Variants in DNAL1 observed in about 807,000 individuals in gnomAD.
DNAL1 encodes the protein chromosome 14 open reading frame 168.
A neutral mutation model predicts 29.4 loss-of-function variants in DNAL1; 17 were observed. The ratio of observed to expected loss-of-function variants is 0.58; its 90% confidence interval spans 0.40 to 0.87. The LOEUF (loss-of-function observed/expected upper bound fraction) is 0.87, where lower values mean the gene tolerates loss of function less well. Ranked by LOEUF, DNAL1 falls within the 40% of genes least tolerant of loss-of-function variation. The pLI, the probability that DNAL1 is intolerant of heterozygous loss-of-function variation, is 0.00. For missense variants in DNAL1, 188 were observed against 214.1 expected, an observed-to-expected ratio of 0.88 and a Z score of 0.76; for synonymous variants, 78 against 76.3, an observed-to-expected ratio of 1.02 and a Z score of -0.12.
In DNAL1 at chr14:73,702,675, C is replaced by T. The variant is rs570758337; in HGVS notation, c.*6733C>T. 4 of 152,260 alleles carry T rather than the reference C, an allele frequency of 2.6e-5. No individual in the cohort carries two copies. The highest frequency in any genetic ancestry group is 7.2e-5 in the African/African-American group (3 of 41,540). 9.4% of individuals were successfully genotyped at this position (152,260 alleles called of 1,614,324 possible). On this transcript the variant is annotated 3_prime_UTR_variant, in exon 8 of 8. Coordinates refer to ENST00000553645, the MANE Select transcript of DNAL1 (RefSeq NM_031427.4). ...CCCTGAATTGAGAAAAAGGAATCACCAAGCAATATCCGTAACATTACACAT... is the reference window on the plus strand; with the variant it reads ...CCCTGAATTGAGAAAAAGGAATCACTAAGCAATATCCGTAACATTACACAT...
At chr14:73,685,073 A>G (rs1039060907) in intron 5 of DNAL1, among the ~76,000 whole-genome samples, 12 of 152,234 alleles carry the variant, frequency 7.9e-5, no homozygotes, top group African/African-American at 2.7e-4. Flanking sequence ...GGAACCTTAA[A>G]GAACTTGTCC....
Position 73,693,372 on chromosome 14 carries a change from G to A in DNAL1, c.533-2530G>A, listed in dbSNP as rs530096327. ...AATGTTTACCAAAAGACACGTATGAGGATGTTCATAGTAGCAGTATATTAA... is the reference window on the plus strand; with the variant it reads ...AATGTTTACCAAAAGACACGTATGAAGATGTTCATAGTAGCAGTATATTAA... On this transcript the variant is annotated intron_variant, in intron 7 of 7. Coordinates refer to ENST00000553645, the MANE Select transcript of DNAL1 (RefSeq NM_031427.4). Among the ~76,000 whole-genome samples, 4 of 152,262 alleles carry A rather than the reference G, an allele frequency of 2.6e-5. No homozygotes were observed. In the South Asian group the frequency reaches 8.3e-4, roughly 32 times the overall value.
intron 5 of DNAL1, among the ~76,000 whole-genome samples, chr14:73,673,326 A>G (rs1374058710): frequency 2.6e-5 from 4 of 152,208 alleles, no homozygotes; most frequent in Non-Finnish European, 4.4e-5. Context: ...AGGTATTTAT[A>G]GAATCCCTTA....
rs185116557 is a variant in DNAL1, at chr14:73,647,947, T to C, written c.3+2905T>C. On this transcript the variant is annotated intron_variant, in intron 1 of 7. Coordinates refer to ENST00000553645, the MANE Select transcript of DNAL1 (RefSeq NM_031427.4). Reference sequence around the variant, plus strand: ...CCAGAATGGCTTGACCAGTGTTTACTTCCTCCGGCAGTGCAGGAGAGTTCC... The same window carrying C: ...CCAGAATGGCTTGACCAGTGTTTACCTCCTCCGGCAGTGCAGGAGAGTTCC... 2.8e-4 allele frequency among the ~76,000 whole-genome samples: 43 copies of C among 152,302 alleles called. 1 individual carries two copies. The highest frequency in any genetic ancestry group is 1.0e-3 in the African/African-American group (43 of 41,576).
At chr14:73,675,197 C>T (rs1457979069) in intron 5 of DNAL1, among the ~76,000 whole-genome samples, 1 of 151,486 alleles carries the variant, frequency 6.6e-6, no homozygotes, top group Non-Finnish European at 1.5e-5. Flanking sequence ...CTCTCTCTCT[C>T]TCTCTCACAC....
chr14:73,669,881 C>G (rs953665736), intron 4 of DNAL1, among the ~76,000 whole-genome samples: 8 of 152,046 alleles, frequency 5.3e-5, no homozygotes. Context: ...TGAATTAGAC[C>G]ACTCTTAAAA....
rs970134260 is a variant in DNAL1 at position 73,701,763 on chromosome 14, A to C, written c.*5821A>C. Reference sequence around the variant, plus strand: ...CCAGAATCTTTGGCTTCTAGAACCAACTCCATTCTGAAGAACATTTTAACA... The same window carrying C: ...CCAGAATCTTTGGCTTCTAGAACCACCTCCATTCTGAAGAACATTTTAACA... On this transcript the variant is annotated 3_prime_UTR_variant, in exon 8 of 8. Transcript: ENST00000553645. 1 of 151,978 alleles carries C rather than the reference A, an allele frequency of 6.6e-6. No homozygotes were observed. The allele number at this position is 151,978 out of a possible 1,614,324, so 9.4% of individuals were successfully genotyped here.
At chr14:73,672,284 A>G (rs1210518288) in intron 5 of DNAL1, among the ~76,000 whole-genome samples, 1 of 152,184 alleles carries the variant, frequency 6.6e-6, no homozygotes, top group Non-Finnish European at 1.5e-5. Context: ...ATAAAGAGGT[A>G]CTGATGAGTT....
At chr14:73,687,465 A>T (rs1345371862) in intron 6 of DNAL1, 80 bp downstream of exon 6, 1 of 1,419,104 alleles carries the variant, frequency 7.0e-7, no homozygotes, top group African/African-American at 1.4e-5. Context: ...ATGCAAAACG[A>T]GAACGTTTAT....
chr14:73,682,334 CTAATT>C (rs1891907508), intron 5 of DNAL1, among the ~76,000 whole-genome samples: 3 of 124,214 alleles, frequency 2.4e-5, no homozygotes, highest in African/African-American at 9.6e-5. Flanking sequence ...CCATGCCTGG[CTAATT>C]TTTTTTTTTT....
intron 6 of DNAL1, among the ~76,000 whole-genome samples, chr14:73,687,638 C>G (rs900163258): frequency 6.6e-6 from 1 of 152,120 alleles, no homozygotes; most frequent in Non-Finnish European, 1.5e-5. Context: ...TTTGGGAGGC[C>G]GAGGCGGGTG....
chr14:73,656,550 G>C (rs569514852), intron 2 of DNAL1, among the ~76,000 whole-genome samples: 1 of 151,718 alleles, frequency 6.6e-6, no homozygotes, highest in Non-Finnish European at 1.5e-5. Flanking sequence ...TGAGTAGCTG[G>C]GACTACAGGT....
At chr14:73,659,119 T>TAA in intron 3 of DNAL1, among the ~76,000 whole-genome samples, 163 bp downstream of exon 3, 1 of 152,288 alleles carries the variant, frequency 6.6e-6, no homozygotes, top group African/African-American at 2.4e-5. Context: ...AAATGACTGG[T>TAA]TTATAGGATT....
At chr14:73,676,777 A>G (rs1413532856) in intron 5 of DNAL1, among the ~76,000 whole-genome samples, 1 of 151,308 alleles carries the variant, frequency 6.6e-6, no homozygotes. Context: ...CTCAGCAGTT[A>G]TTTGCGTATT....
intron 4 of DNAL1, among the ~76,000 whole-genome samples, chr14:73,668,600 A>C (rs1324742273): frequency 6.6e-6 from 1 of 152,100 alleles, no homozygotes; most frequent in East Asian, 1.9e-4. Flanking sequence ...AAAGTCCTGT[A>C]GTTGTGATCA....
rs1046277462 is a variant in DNAL1, at chr14:73,696,333, A to G, written c.*391A>G. 6.3e-6 allele frequency: 1 copy of G among 158,198 alleles called. No individual in the cohort carries two copies. The highest frequency in any genetic ancestry group is 2.4e-5 in the African/African-American group (1 of 41,538). The allele number at this position is 158,198 out of a possible 1,614,324, so 9.8% of individuals were successfully genotyped here. A position where few individuals can be genotyped will look rare whatever the true frequency, so the allele number is the denominator to read the frequency against. ...TTAAAAGATGTACATTTGAAAATTC[A>G]GAACATTTTTCCTGAAGGTCTGTCT... is the stretch of plus-strand genomic sequence containing the variant. On this transcript the variant is annotated 3_prime_UTR_variant, in exon 8 of 8. Transcript: ENST00000553645.
Position 73,695,928 on chromosome 14 carries a change from G to A in DNAL1, c.559G>A (p.Glu187Lys). The A allele has an allele frequency of 6.3e-7, 1 of 1,589,938 alleles. No homozygotes were observed. The highest frequency in any genetic ancestry group is 1.1e-5 in the South Asian group (1 of 87,228). Residue 187 changes from glutamate to lysine, a missense_variant, in exon 8 of 8, where the codon GAA becomes AAA. Coordinates refer to ENST00000553645, the MANE Select transcript of DNAL1 (RefSeq NM_031427.4). ...DGTPVIKGDE[E>K]EDN is the part of the protein sequence containing the mutation. ...TACTCCAGTAATTAAAGGGGATGAG[G>A]AAGAAGACAACTAATGCCACGCTTT...
chr14:73,654,084 A>C (rs1891160932), intron 1 of DNAL1, among the ~76,000 whole-genome samples: 1 of 152,216 alleles, frequency 6.6e-6, no homozygotes, highest in African/African-American at 2.4e-5. Flanking sequence ...GATATGAAAT[A>C]AAGTGGTTAA....
At chr14:73,672,343 C>T (rs1338978943) in intron 5 of DNAL1, among the ~76,000 whole-genome samples, 3 of 152,014 alleles carry the variant, frequency 2.0e-5, no homozygotes, top group East Asian at 1.9e-4. Context: ...CAGTGGCTCA[C>T]GCCTGTAATC....
Sources: allele counts gnomAD v4.1 joint callset (sites outside exome capture counted in the v4.1 genomes callset), GRCh38; gene constraint gnomAD v4.1.1; transcripts MANE v1.5; gene names NCBI Gene and HGNC (gene_info 2026-07-23, HGNC 2026-07-21).